The following TEX101 variants were observed in gnomAD, a reference collection of about 807,000 sequenced individuals.
TEX101 encodes the protein testis expressed 101, also known as testis-expressed protein 101.
A neutral mutation model predicts 18.1 loss-of-function variants in TEX101; 10 were observed. That is an observed-to-expected ratio of 0.55 (90% CI 0.34 to 0.94). The LOEUF (loss-of-function observed/expected upper bound fraction) is 0.94, where lower values mean the gene tolerates loss of function less well. TEX101 is among the 40% of genes least tolerant of loss of function. TEX101 has a pLI of 0.02. For missense variants in TEX101, 259 were observed against 298.9 expected (o/e 0.87, Z 0.98); for synonymous variants, 94 against 114.8 (o/e 0.82, Z 1.16).
chr19:43,389,554 T>C, the TEX101 span, among the ~76,000 whole-genome samples: 9 of 152,176 alleles, frequency 5.9e-5, no homozygotes, highest in Non-Finnish European at 1.3e-4. Context: ...CTGGGCCCTG[T>C]GGCCTCCAAG....
chr19:43,406,936 T>TTGTTTTTTG (rs61332553), intron 3 of TEX101, among the ~76,000 whole-genome samples: 1 of 136,996 alleles, frequency 7.3e-6, no homozygotes, highest in African/African-American at 3.3e-5. Context: ...TTTTTGTTTT[T>TTGTTTTTTG]TTTTTTTTTT....
the TEX101 span, among the ~76,000 whole-genome samples, chr19:43,391,464 T>G: frequency 1.3e-5 from 2 of 149,828 alleles, no homozygotes; most frequent in Admixed American, 6.7e-5. Flanking sequence ...TAAGGTGGTA[T>G]CTCACTGTAG....
upstream of TEX101, among the ~76,000 whole-genome samples, chr19:43,413,985 A>G (rs1050350883): frequency 6.6e-6 from 1 of 151,804 alleles, no homozygotes; most frequent in Non-Finnish European, 1.5e-5. Context: ...TTAGCCAGGC[A>G]TGGTAGCTTA....
rs1378597729 is a variant in TEX101 at position 43,414,909 on chromosome 19, G to A, written c.-169G>A. 1 of 985,390 alleles carries A rather than the reference G, an allele frequency of 1.0e-6. No individual in the cohort carries two copies. Among genetic ancestry groups the A allele is most frequent in the African/African-American group, 1.7e-5 (1 of 57,242 alleles). 61.0% of individuals were successfully genotyped at this position (985,390 alleles called of 1,614,324 possible). ...CGTCGTAAGAGAATGCCAAGCCCGGGGAGAAGGCGTTCCGGGCCTCAACTT... is the reference window on the plus strand; with the variant it reads ...CGTCGTAAGAGAATGCCAAGCCCGGAGAGAAGGCGTTCCGGGCCTCAACTT... On this transcript the variant is annotated 5_prime_UTR_variant, in exon 1 of 6. Transcript: ENST00000598265.
chr19:43,414,878 G>GC (rs200407182), upstream of TEX101: 785 of 985,480 alleles, frequency 8.0e-4, 4 homozygotes, highest in African/African-American at 0.013. Context: ...GGCTGGCCCG[G>GC]CCTTGCGTCG....
At chr19:43,418,133 ATC>A (rs1599905914) in intron 5 of TEX101, 33 bp from the exon 6 acceptor site, 2 of 1,612,880 alleles carry the variant, frequency 1.2e-6, no homozygotes, top group Non-Finnish European at 1.7e-6. Flanking sequence ...GTCCTAAAAC[ATC>A]TCTGTCTCTC....
At chr19:43,414,197 T>C (rs979648028), upstream of TEX101, among the ~76,000 whole-genome samples, 3 of 152,028 alleles carry the variant, frequency 2.0e-5, no homozygotes, top group Non-Finnish European at 4.4e-5. Context: ...GAAAGTGAAC[T>C]GCCAGCCATG....
At chr19:43,408,229 G>A (rs922737400) in intron 3 of TEX101, among the ~76,000 whole-genome samples, 16 of 152,164 alleles carry the variant, frequency 1.1e-4, no homozygotes, top group African/African-American at 3.6e-4. Context: ...GGGGTGGAGA[G>A]GCGGTGAGGG....
chr19:43,406,149 C>A, intron 2 of TEX101: 1 of 225,548 alleles, frequency 4.4e-6, no homozygotes, highest in Non-Finnish European at 8.4e-6. Flanking sequence ...TGGGAGGCAC[C>A]TTGGGACTGT....
Position 43,416,534 on chromosome 19 carries a change from T to G in TEX101, c.370T>G (p.Trp124Gly). 4.3e-6 allele frequency: 7 copies of G among 1,613,948 alleles called. No individual in the cohort carries two copies. The highest frequency in any genetic ancestry group is 5.9e-6 in the Non-Finnish European group (7 of 1,179,896). Residue 124 changes from tryptophan to glycine, a missense_variant, in exon 4 of 6, where the codon TGG becomes GGG. Coordinates refer to ENST00000598265, the MANE Select transcript of TEX101 (RefSeq NM_001130011.3). ...CNDKDSLSQFWEFSETTASTV... is the reference protein window; with the variant it reads ...CNDKDSLSQFGEFSETTASTV... ...TGACAAAGACAGCCTGTCTCAGTTT[T>G]GGGAGTTCAGTGAGACCACAGGTAC...
intron 3 of TEX101, among the ~76,000 whole-genome samples, chr19:43,407,272 T>G (rs866148948): frequency 1.4e-4 from 22 of 151,996 alleles, no homozygotes; most frequent in South Asian, 8.3e-4. Context: ...TCACCTGAGG[T>G]TGGAAGTTCG....
At chr19:43,417,681 C>A (rs1369946496) in intron 4 of TEX101, among the ~76,000 whole-genome samples, 197 bp from the exon 5 acceptor site, 1 of 152,214 alleles carries the variant, frequency 6.6e-6, no homozygotes, top group Non-Finnish European at 1.5e-5. Context: ...TATCTTCACA[C>A]CTCAGCAGAG....
chr19:43,398,373 T>G (rs1014647739), upstream of TEX101, among the ~76,000 whole-genome samples: 1 of 149,170 alleles, frequency 6.7e-6, no homozygotes, highest in Non-Finnish European at 1.5e-5. Context: ...CCTCCTGGAT[T>G]CAAGTGATTC....
chr19:43,414,550 G>A (rs1057335185), upstream of TEX101, among the ~76,000 whole-genome samples: 2 of 152,286 alleles, frequency 1.3e-5, no homozygotes, highest in South Asian at 2.1e-4. Context: ...GATAAGTTCC[G>A]TGAGTGAGGG....
At chr19:43,413,292 G>A (rs2122340512), upstream of TEX101, among the ~76,000 whole-genome samples, 1 of 152,162 alleles carries the variant, frequency 6.6e-6, no homozygotes, top group East Asian at 1.9e-4. Context: ...ACGAGGTCAG[G>A]AGATCGAGAC....
the TEX101 span, among the ~76,000 whole-genome samples, chr19:43,396,388 C>G: frequency 1.3e-5 from 2 of 152,216 alleles, no homozygotes; most frequent in African/African-American, 4.8e-5. Flanking sequence ...CTTAAAACAA[C>G]TCACTGTTTT....
At chr19:43,394,570 A>C in the TEX101 span, among the ~76,000 whole-genome samples, 1 of 151,684 alleles carries the variant, frequency 6.6e-6, no homozygotes, top group South Asian at 2.1e-4. Flanking sequence ...TCCCAGGTTC[A>C]AGCGATTCTC....
intron 2 of TEX101, among the ~76,000 whole-genome samples, chr19:43,404,925 A>G (rs985209971): frequency 3.3e-5 from 5 of 152,170 alleles, no homozygotes; most frequent in Non-Finnish European, 7.3e-5. Context: ...ACTGAGACAT[A>G]TATTTCAGAA....
chr19:43,415,834 G>A (rs746671774), intron 1 of TEX101, 47 bp from the exon 2 acceptor site: 2 of 1,540,320 alleles, frequency 1.3e-6, no homozygotes, highest in Non-Finnish European at 1.8e-6. Flanking sequence ...TTGATCTCAT[G>A]CACTCTGGCT....
Sources: gnomAD v4.1 joint callset for allele counts (sites outside exome capture counted in the v4.1 genomes callset) on GRCh38, gnomAD v4.1.1 for gene constraint, MANE v1.5 for transcripts, NCBI Gene and HGNC (gene_info 2026-07-23, HGNC 2026-07-21) for gene names.